Variants in CHST11 observed in about 807,000 individuals in gnomAD.
CHST11 encodes C4S-1.
A neutral mutation model predicts 30.4 loss-of-function variants in CHST11; 9 were observed. That is an observed-to-expected ratio of 0.30 (90% CI 0.18 to 0.52). The LOEUF is 0.52. CHST11 is among the 20% of genes least tolerant of loss of function. The pLI is 0.97. For missense variants in CHST11, 348 were observed against 460.6 expected, an observed-to-expected ratio of 0.76 and a Z score of 2.24; for synonymous variants, 152 against 187.8, an observed-to-expected ratio of 0.81 and a Z score of 1.56.
At chr12:104,659,246 C>A (rs1172097102) in intron 2 of CHST11, among the ~76,000 whole-genome samples, 1 of 152,236 alleles carries the variant, frequency 6.6e-6, no homozygotes, top group Non-Finnish European at 1.5e-5. Flanking sequence ...AGTGATGTAG[C>A]CTCTCTGTGC....
rs564551960 is a variant in CHST11, at chr12:104,591,206, C to G, written c.119-10700C>G. On this transcript the variant is annotated intron_variant, in intron 1 of 2. Coordinates refer to ENST00000303694, the MANE Select transcript of CHST11 (RefSeq NM_018413.6). ...CAGGCGGGGCTATATCATGGGGGGC[C>G]TCTGGGCCGTGGAAAGACTTTGGAT... Among the ~76,000 whole-genome samples the G allele has an allele frequency of 1.9e-3, 284 of 152,192 alleles. 3 individuals carry two copies. The highest frequency in any genetic ancestry group is 6.7e-3 in the African/African-American group (278 of 41,508).
chr12:104,530,330 G>A (rs1320923264), intron 1 of CHST11, among the ~76,000 whole-genome samples: 3 of 152,112 alleles, frequency 2.0e-5, no homozygotes, highest in South Asian at 2.1e-4. Context: ...ATTCCTCCAC[G>A]TCCTCACTTC....
chr12:104,491,539 G>A (rs1332425754), intron 1 of CHST11, among the ~76,000 whole-genome samples: 2 of 151,630 alleles, frequency 1.3e-5, no homozygotes, highest in African/African-American at 4.9e-5. Context: ...TATGATCTTG[G>A]CTCACAGCAG....
intron 2 of CHST11, among the ~76,000 whole-genome samples, chr12:104,662,063 A>G (rs1382597772): frequency 1.3e-5 from 2 of 152,242 alleles, no homozygotes; most frequent in African/African-American, 4.8e-5. Flanking sequence ...TAATAGAAAT[A>G]TAAACTCTGA....
chr12:104,728,733 C>T (rs1256663670), intron 2 of CHST11, among the ~76,000 whole-genome samples: 1 of 152,170 alleles, frequency 6.6e-6, no homozygotes, highest in African/African-American at 2.4e-5. Flanking sequence ...TTGCTCCCAC[C>T]CTACCCTGCT....
intron 2 of CHST11, among the ~76,000 whole-genome samples, chr12:104,681,019 AAT>A (rs2039790850): frequency 6.6e-6 from 1 of 152,252 alleles, no homozygotes; most frequent in Admixed American, 6.5e-5. Flanking sequence ...TGTGAGGATG[AAT>A]TGAGATAATA....
At position 104,488,579 on chromosome 12, in the gene CHST11, GTGTATGTATGCGTA is replaced by G. The variant is rs201058497; in HGVS notation, c.118+31057_118+31070del. Among the ~76,000 whole-genome samples, 1,715 of 136,004 alleles carry G rather than the reference GTGTATGTATGCGTA, an allele frequency of 0.013. 59 individuals are homozygous for G. The East Asian group carries it at 0.19, about 15-fold the overall frequency. The allele number at this position is 136,004 out of a possible 152,430, so 89.2% of individuals were successfully genotyped here. ...TGTGTGTGTATGCGTGTGTATGTGT[GTGTATGTATGCGTA>G]TGTATGCGTATGTGTGTATGTATGT... On this transcript the variant is annotated intron_variant, in intron 1 of 2. Coordinates refer to ENST00000303694, the MANE Select transcript of CHST11 (RefSeq NM_018413.6).
intron 2 of CHST11, among the ~76,000 whole-genome samples, chr12:104,664,801 C>G (rs76327120): frequency 6.6e-6 from 1 of 152,192 alleles, no homozygotes; most frequent in Non-Finnish European, 1.5e-5. Flanking sequence ...TTACACGAGC[C>G]GGTTATGAAA....
At chr12:104,674,383 A>G (rs1448884449) in intron 2 of CHST11, among the ~76,000 whole-genome samples, 1 of 152,224 alleles carries the variant, frequency 6.6e-6, no homozygotes, top group East Asian at 1.9e-4. Flanking sequence ...TAAGGACTTT[A>G]TACTTAATCC....
At chr12:104,544,177 A>AGAAAGAAT (rs1453014811) in intron 1 of CHST11, among the ~76,000 whole-genome samples, 1 of 150,670 alleles carries the variant, frequency 6.6e-6, no homozygotes, top group Non-Finnish European at 1.5e-5. Context: ...AAAGAAAGAA[A>AGAAAGAAT]GAAAGACCTG....
At chr12:104,615,337 T>G (rs2039099199) in intron 2 of CHST11, among the ~76,000 whole-genome samples, 1 of 152,228 alleles carries the variant, frequency 6.6e-6, no homozygotes, top group South Asian at 2.1e-4. Context: ...TCACGGAATA[T>G]CCACGGATAT....
chr12:104,695,489 T>G (rs1404696083), intron 2 of CHST11, among the ~76,000 whole-genome samples: 1 of 151,774 alleles, frequency 6.6e-6, no homozygotes, highest in Non-Finnish European at 1.5e-5. Context: ...GTCCTTGTGG[T>G]TTGCTTATTG....
intron 1 of CHST11, 125 bp downstream of exon 1, chr12:104,457,654 C>A (rs2037366317): frequency 2.7e-6 from 2 of 743,134 alleles, no homozygotes; most frequent in Non-Finnish European, 2.4e-6. Context: ...GGGCTCCTGG[C>A]TGCCCAGAGC....
chr12:104,690,157 C>T (rs912260682), intron 2 of CHST11, among the ~76,000 whole-genome samples: 9 of 152,118 alleles, frequency 5.9e-5, no homozygotes, highest in Admixed American at 3.9e-4. Flanking sequence ...GCAGAGCAAG[C>T]GAGATTTAGT....
At chr12:104,475,669 TA>T (rs2037551117) in intron 1 of CHST11, among the ~76,000 whole-genome samples, 2 of 71,036 alleles carry the variant, frequency 2.8e-5, no homozygotes, top group South Asian at 5.0e-4. Context: ...TATATATATA[TA>T]TATATATATA....
At chr12:104,745,324 A>G (rs11834442) in intron 2 of CHST11, among the ~76,000 whole-genome samples, 2,613 of 152,254 alleles carry the variant, frequency 0.017, 77 homozygotes, top group African/African-American at 0.06. Flanking sequence ...TTCCAGTACC[A>G]TGCCGTTTCG....
chr12:104,691,459 G>C (rs968363914), intron 2 of CHST11, among the ~76,000 whole-genome samples: 1 of 149,288 alleles, frequency 6.7e-6, no homozygotes, highest in Non-Finnish European at 1.5e-5. Flanking sequence ...TACTGGGGGC[G>C]GGGGGGAAAC....
At chr12:104,528,093 G>T (rs2038146355) in intron 1 of CHST11, among the ~76,000 whole-genome samples, 1 of 152,266 alleles carries the variant, frequency 6.6e-6, no homozygotes, top group Admixed American at 6.5e-5. Flanking sequence ...GATAAACCTT[G>T]ATTTTTCACA....
At chr12:104,651,658 G>A (rs1003689541) in intron 2 of CHST11, among the ~76,000 whole-genome samples, 1 of 152,136 alleles carries the variant, frequency 6.6e-6, no homozygotes, top group Non-Finnish European at 1.5e-5. Context: ...CCCACCCAAG[G>A]CCATTCTAGA....
Sources: allele counts gnomAD v4.1 joint callset (sites outside exome capture counted in the v4.1 genomes callset), GRCh38; gene constraint gnomAD v4.1.1; transcripts MANE v1.5; gene names NCBI Gene and HGNC (gene_info 2026-07-23, HGNC 2026-07-21).